Variants in PTPRD observed in about 807,000 individuals in gnomAD.
The protein encoded by PTPRD is protein tyrosine phosphatase receptor type D.
PTPRD carries 34 observed loss-of-function variants against 214.5 expected under a neutral mutation model. That is an observed-to-expected ratio of 0.16 (90% CI 0.12 to 0.21). The LOEUF (loss-of-function observed/expected upper bound fraction) is 0.21. Among genes scored for constraint, PTPRD ranks in the 10% least tolerant of loss-of-function variants. The pLI is 1.00. For missense variants in PTPRD, 2,545 were observed against 2,398.7 expected (o/e 1.06, Z -1.27); for synonymous variants, 1,128 against 845.7 (o/e 1.33, Z -5.79).
intron 5 of PTPRD, among the ~76,000 whole-genome samples, chr9:9,873,586 C>G (rs2066056649): frequency 1.3e-5 from 2 of 152,048 alleles, no homozygotes; most frequent in African/African-American, 4.8e-5. Flanking sequence ...CTGCTCCCTT[C>G]CTGCATTCTA....
At chr9:8,446,030 G>C (rs1248036894) in intron 34 of PTPRD, among the ~76,000 whole-genome samples, 2 of 152,116 alleles carry the variant, frequency 1.3e-5, no homozygotes, top group African/African-American at 4.8e-5. Context: ...CTTGATTCTT[G>C]TCTAAAAGTT....
At chr9:8,452,165 A>G (rs934544432) in intron 33 of PTPRD, among the ~76,000 whole-genome samples, 2 of 152,244 alleles carry the variant, frequency 1.3e-5, no homozygotes, top group African/African-American at 4.8e-5. Context: ...TATTCAAATG[A>G]AATTATTTCC....
chr9:8,984,522 A>C (rs1460790018), intron 11 of PTPRD, among the ~76,000 whole-genome samples: 1 of 152,126 alleles, frequency 6.6e-6, no homozygotes. Context: ...CTGTTCTGAA[A>C]CATACAATAA....
At chr9:8,663,773 G>C (rs546045886) in intron 12 of PTPRD, among the ~76,000 whole-genome samples, 1 of 151,974 alleles carries the variant, frequency 6.6e-6, no homozygotes, top group Non-Finnish European at 1.5e-5. Flanking sequence ...TTACAGGTGT[G>C]AGCCACTGTG....
intron 7 of PTPRD, among the ~76,000 whole-genome samples, chr9:9,604,615 A>AAAACTACC (rs1167116587): frequency 1.3e-5 from 2 of 152,090 alleles, no homozygotes; most frequent in Non-Finnish European, 2.9e-5. Context: ...GGTCCAGTCC[A>AAAACTACC]AAACTACCAT....
intron 9 of PTPRD, among the ~76,000 whole-genome samples, chr9:9,248,971 A>T (rs1247751161): frequency 6.6e-6 from 1 of 152,016 alleles, no homozygotes; most frequent in African/African-American, 2.4e-5. Flanking sequence ...CTTGCTTTTG[A>T]ACGGGAGTCA....
chr9:8,600,228 G>C lies in PTPRD; in HGVS notation c.352+33089C>G, dbSNP rs984992514. ...GGCATTTGGACTGGCCTAGCCAGAC[G>C]GAGGGGATTGCCCATCCCAGCAGTC... On this transcript the variant is annotated intron_variant, in intron 14 of 45. Transcript: ENST00000381196. 4.6e-5 allele frequency among the ~76,000 whole-genome samples: 7 copies of C among 152,186 alleles called. No homozygotes were observed. In the South Asian group the frequency reaches 1.4e-3, roughly 31 times the overall value.
At chr9:9,300,756 G>A (rs1002888289) in intron 9 of PTPRD, among the ~76,000 whole-genome samples, 1 of 151,740 alleles carries the variant, frequency 6.6e-6, no homozygotes, top group Non-Finnish European at 1.5e-5. Context: ...TCAATTTTTA[G>A]AACTGTGAAA....
Position 8,375,804 on chromosome 9 carries a change from T to C in PTPRD, c.4661+132A>G, listed in dbSNP as rs1003592029. On this transcript the variant is annotated intron_variant, in intron 39 of 45. Coordinates refer to ENST00000381196, the MANE Select transcript of PTPRD (RefSeq NM_002839.4). ...CCTATTGATGTTAGCATAGGCCTCA[T>C]TTGACCAAAAGAGAGCTGTATTATT... The C allele has an allele frequency of 7.2e-6, 8 of 1,112,754 alleles. No individual in the cohort carries two copies. In the Admixed American group the frequency reaches 1.5e-4, roughly 21 times the overall value. The allele number at this position is 1,112,754 out of a possible 1,614,324, so 68.9% of individuals were successfully genotyped here.
chr9:9,382,688 T>C (rs769122850), intron 9 of PTPRD, among the ~76,000 whole-genome samples: 1 of 152,156 alleles, frequency 6.6e-6, no homozygotes, highest in African/African-American at 2.4e-5. Context: ...ATTGGGACTC[T>C]TGCACATTGT....
intron 14 of PTPRD, among the ~76,000 whole-genome samples, chr9:8,559,132 A>T (rs902968387): frequency 6.6e-6 from 1 of 152,216 alleles, no homozygotes; most frequent in Non-Finnish European, 1.5e-5. Context: ...GAAAAGAAAA[A>T]ATTAATGCAG....
At chr9:9,392,749 G>A (rs898580385) in intron 9 of PTPRD, among the ~76,000 whole-genome samples, 2 of 152,120 alleles carry the variant, frequency 1.3e-5, no homozygotes, top group East Asian at 1.9e-4. Flanking sequence ...ATTGGAATAA[G>A]CCCAGGTCAA....
intron 3 of PTPRD, among the ~76,000 whole-genome samples, chr9:10,325,257 C>T (rs2096622693): frequency 6.6e-6 from 1 of 151,884 alleles, no homozygotes; most frequent in South Asian, 2.1e-4. Context: ...AATGCTGCTA[C>T]TATTGTTATG....
At chr9:9,443,510 C>T (rs1452622318) in intron 8 of PTPRD, among the ~76,000 whole-genome samples, 1 of 152,144 alleles carries the variant, frequency 6.6e-6, no homozygotes, top group Non-Finnish European at 1.5e-5. Context: ...TTGACTTTGC[C>T]AGATCAAGGC....
intron 3 of PTPRD, among the ~76,000 whole-genome samples, chr9:10,131,207 T>C (rs976919772): frequency 2.0e-5 from 3 of 152,134 alleles, no homozygotes; most frequent in Admixed American, 1.3e-4. Context: ...CACCTGATGT[T>C]ACTGTCTAAC....
chr9:9,811,985 C>T (rs1011985314), intron 5 of PTPRD, among the ~76,000 whole-genome samples: 3 of 152,170 alleles, frequency 2.0e-5, no homozygotes, highest in African/African-American at 7.2e-5. Flanking sequence ...GCACCAGCTA[C>T]TTCCACCTTC....
chr9:9,934,809 T>C (rs985264390), intron 5 of PTPRD, among the ~76,000 whole-genome samples: 1 of 152,038 alleles, frequency 6.6e-6, no homozygotes, highest in South Asian at 2.1e-4. Flanking sequence ...TTGATGAATA[T>C]TGATGCAAAA....
At chr9:10,086,338 A>C (rs1365481001) in intron 3 of PTPRD, among the ~76,000 whole-genome samples, 1 of 151,766 alleles carries the variant, frequency 6.6e-6, no homozygotes, top group Admixed American at 6.6e-5. Context: ...CGTAAAATTT[A>C]TCAACAGTAG....
chr9:9,167,140 T>C (rs1047199902), intron 10 of PTPRD, among the ~76,000 whole-genome samples: 1 of 152,116 alleles, frequency 6.6e-6, no homozygotes, highest in African/African-American at 2.4e-5. Context: ...AAATCAGAAC[T>C]ATGTCTCCTC....
Sources: gnomAD v4.1 joint callset for allele counts (sites outside exome capture counted in the v4.1 genomes callset) on GRCh38, gnomAD v4.1.1 for gene constraint, MANE v1.5 for transcripts, NCBI Gene and HGNC (gene_info 2026-07-23, HGNC 2026-07-21) for gene names.